Variants in EXOC3L2 observed in about 807,000 individuals in gnomAD.
EXOC3L2 encodes exocyst complex component 3-like protein 2.
In EXOC3L2, 17 loss-of-function variants were observed where a neutral mutation model predicts 44.4. That is an observed-to-expected ratio of 0.38 (90% CI 0.26 to 0.57). The LOEUF (loss-of-function observed/expected upper bound fraction) is 0.57, where lower values mean the gene tolerates loss of function less well. Among genes scored for constraint, EXOC3L2 ranks in the 20% least tolerant of loss-of-function variants. The probability of loss-of-function intolerance (pLI) is 0.65; values close to 1 mark genes in which losing one functional copy is unlikely to be tolerated. For missense variants in EXOC3L2, 541 were observed against 588.4 expected (o/e 0.92, Z 0.83); for synonymous variants, 256 against 253.7 (o/e 1.01, Z -0.09).
Position 45,227,670 on chromosome 19 carries a change from G to A in EXOC3L2, c.1575C>T (p.Pro525=). Residue 525 remains proline, a synonymous_variant, in exon 7 of 12, where the codon CCC becomes CCT. Coordinates refer to ENST00000413988, the MANE Select transcript of EXOC3L2 (RefSeq NM_001382422.1). ...SKTIALVNCG[P]PLRALAERLA... is the part of the protein sequence containing the mutation. ...ACCATGGATGCCCTCACCTCAGTGGGGGGCCGCAGTTGACCAGGGCGATGG... is the reference window on the plus strand; with the variant it reads ...ACCATGGATGCCCTCACCTCAGTGGAGGGCCGCAGTTGACCAGGGCGATGG... 6.2e-7 allele frequency: 1 copy of A among 1,610,940 alleles called. No individual in the cohort carries two copies. Among genetic ancestry groups the A allele is most frequent in the Non-Finnish European group, 8.5e-7 (1 of 1,179,170 alleles).
intron 7 of EXOC3L2, among the ~76,000 whole-genome samples, chr19:45,226,743 A>ATC (rs1348817437): frequency 2.9e-4 from 23 of 79,826 alleles, no homozygotes; most frequent in African/African-American, 1.3e-3. Flanking sequence ...GCTGACTCCC[A>ATC]TCTCTTTTTT....
At chr19:45,217,755 G>A (rs1969852307) in intron 9 of EXOC3L2, 72 bp from the exon 10 acceptor site, 2 of 1,374,050 alleles carry the variant, frequency 1.5e-6, no homozygotes, top group Non-Finnish European at 1.9e-6. Flanking sequence ...CAGTCTGAAG[G>A]CCACCCCCGC....
In EXOC3L2 at chr19:45,234,342, G is replaced by T. The variant is rs1171025029; in HGVS notation, c.1008C>A (p.Pro336=). 5 of 364,558 alleles carry T rather than the reference G, an allele frequency of 1.4e-5. No homozygotes were observed. The highest frequency in any genetic ancestry group is 2.4e-5 in the Non-Finnish European group (5 of 204,298). 22.6% of individuals were successfully genotyped at this position (364,558 alleles called of 1,614,324 possible). The part of the protein sequence containing the change: ...DMAVVRGRLA[P]AYPAGLGAFG... ...AGGCGCCCAGGCCGGCGGGGTAGGC[G>T]GGCGCCAGGCGGCCCCGCACCACGG... Residue 336 remains proline, a synonymous_variant, in exon 3 of 12, where the codon CCC becomes CCA. Transcript: ENST00000413988. This position sits in a 1 kb window ranked among gnomAD's most constrained non-coding sequence, Gnocchi z 5.0.
chr19:45,241,654 G>T lies in EXOC3L2; in HGVS notation c.-16-2593C>A, dbSNP rs889531626. On this transcript the variant is annotated intron_variant, in intron 1 of 11. Transcript: ENST00000413988. The stretch of plus-strand genomic sequence containing the variant: ...TCCCGTAGCCTCCTCCTTACCCCAG[G>T]AACCTCCAGGTTTCAGCATCTGCTG... Among the ~76,000 whole-genome samples the T allele has an allele frequency of 3.9e-5, 6 of 152,026 alleles. No homozygotes were observed. In the East Asian group the frequency reaches 1.2e-3, roughly 29 times the overall value.
At chr19:45,229,929 TTA>T (rs1487053726) in intron 4 of EXOC3L2, among the ~76,000 whole-genome samples, 1 of 149,030 alleles carries the variant, frequency 6.7e-6, no homozygotes, top group Admixed American at 6.7e-5. Flanking sequence ...CATTTATATG[TTA>T]ATATGTATAC....
chr19:45,231,493 A>G (rs62118504), intron 4 of EXOC3L2, among the ~76,000 whole-genome samples: 47,630 of 149,268 alleles, frequency 0.32, 8,701 homozygotes, highest in Middle Eastern at 0.46. Context: ...TTGATGCTAT[A>G]CTTCTGTGAG....
intron 3 of EXOC3L2, among the ~76,000 whole-genome samples, chr19:45,232,449 T>G (rs776472667): frequency 2.0e-5 from 3 of 152,200 alleles, no homozygotes; most frequent in Non-Finnish European, 4.4e-5. Flanking sequence ...ATGAGAGCAT[T>G]ATTGACATAC....
chr19:45,218,281 G>T lies in EXOC3L2; in HGVS notation c.1758C>A (p.Ser586Arg). Residue 586 changes from serine to arginine, a missense_variant, in exon 9 of 12, where the codon AGC becomes AGA. Physicochemically the swap from Ser to Arg is moderately radical, Grantham distance 110. Coordinates refer to ENST00000413988, the MANE Select transcript of EXOC3L2 (RefSeq NM_001382422.1). ...FNKLMRRKWLSSPEALDGIVG... is the reference protein window; with the variant it reads ...FNKLMRRKWLRSPEALDGIVG... ...CGATGCCATCCAGGGCCTCCGGGCTGCTCAGCCACTTCCGGCGCATCAGCT... is the reference window on the plus strand; with the variant it reads ...CGATGCCATCCAGGGCCTCCGGGCTTCTCAGCCACTTCCGGCGCATCAGCT... 1 of 1,608,444 alleles carries T rather than the reference G, an allele frequency of 6.2e-7. No individual in the cohort carries two copies. The highest frequency in any genetic ancestry group is 1.1e-5 in the South Asian group (1 of 90,304).
chr19:45,218,453 G>T, intron 8 of EXOC3L2, 134 bp from the exon 9 acceptor site: 1 of 1,208,118 alleles, frequency 8.3e-7, no homozygotes, highest in South Asian at 2.0e-5. Context: ...GGAAGAGATA[G>T]CCCCAGCCCT....
Position 45,213,178 on chromosome 19 carries a change from A to T in EXOC3L2, c.2300T>A (p.Leu767His). 6.2e-7 allele frequency: 1 copy of T among 1,601,870 alleles called. No individual in the cohort carries two copies. ...PVPRPSFCLSLPLFLGRLPLS... is the reference protein window; with the variant it reads ...PVPRPSFCLSHPLFLGRLPLS... ...GGGGAGGCGGCCCAGGAAGAGAGGG[A>T]GGCTGAGACAGAAAGATGGGCGGGG... Residue 767 changes from leucine (L) to histidine (H), a missense_variant, in exon 12 of 12, where the codon CTC becomes CAC. Coordinates refer to ENST00000413988, the MANE Select transcript of EXOC3L2 (RefSeq NM_001382422.1).
rs1234414195 is a variant in EXOC3L2, at chr19:45,227,278, C to T, written c.1583+384G>A. ...GACTACAGGTGCCCGCCACCATGCC[C>T]GGCTAATTTTTTTTTGTATTTTTTA... On this transcript the variant is annotated intron_variant, in intron 7 of 11. Transcript: ENST00000413988. Among the ~76,000 whole-genome samples, 9 of 143,936 alleles carry T rather than the reference C, an allele frequency of 6.3e-5. No homozygotes were observed. In the South Asian group the frequency reaches 1.1e-3, roughly 17 times the overall value. 94.4% of individuals were successfully genotyped at this position (143,936 alleles called of 152,430 possible).
chr19:45,213,368 AG>A lies in EXOC3L2; in HGVS notation c.2121-12del. ...GCCACGTGCTTCTGCCTGTGGGGAG[AG>A]GAACAGACAGGTGCATGCAGATCCC... is the stretch of plus-strand genomic sequence containing the variant. On this transcript the variant is annotated splice_polypyrimidine_tract_variant and intron_variant, in intron 11 of 11. Coordinates refer to ENST00000413988, the MANE Select transcript of EXOC3L2 (RefSeq NM_001382422.1). 1 of 1,612,024 alleles carries A rather than the reference AG, an allele frequency of 6.2e-7. No individual in the cohort carries two copies. The highest frequency in any genetic ancestry group is 1.1e-5 in the South Asian group (1 of 90,966).
Position 45,234,516 on chromosome 19 carries a change from AC to A in EXOC3L2, c.833del (p.Gly278ValfsTer24). The A allele has an allele frequency of 4.0e-6, 1 of 247,546 alleles. No individual in the cohort carries two copies. Among genetic ancestry groups the A allele is most frequent in the Non-Finnish European group, 7.7e-6 (1 of 129,040 alleles). The allele number at this position is 247,546 out of a possible 1,614,324, so 15.3% of individuals were successfully genotyped here. On this transcript the variant is annotated frameshift_variant, in exon 3 of 12. Transcript: ENST00000413988. LOFTEE classifies it high-confidence loss of function. This position sits in a 1 kb window ranked among gnomAD's most constrained non-coding sequence, Gnocchi z 5.0. ...CGCGTAGTTTGCGGGCCGCCCCGGG[AC>A]CCCGACGCCCGTCGGCCGCCTCCTC... The part of the protein sequence containing the change: ...VQEEAADGRR[G>X]PGAARKLRAR...
In EXOC3L2 at chr19:45,243,958, C is replaced by T. The variant is rs1469625913; in HGVS notation, c.-17+1383G>A. 2.0e-5 allele frequency among the ~76,000 whole-genome samples: 3 copies of T among 151,960 alleles called. No individual in the cohort carries two copies. The South Asian group carries it at 6.2e-4, about 32-fold the overall frequency. ...CTTTTATTTTTTAGACAGTCTCACT[C>T]TGTCACCCAGGTTGGAGTGCAGTGG... is the stretch of plus-strand genomic sequence containing the variant. On this transcript the variant is annotated intron_variant, in intron 1 of 11. Transcript: ENST00000413988.
At chr19:45,222,616 CTCTCTCTGTCTGTG>C (rs1969910166) in intron 8 of EXOC3L2, among the ~76,000 whole-genome samples, 1 of 152,120 alleles carries the variant, frequency 6.6e-6, no homozygotes, top group African/African-American at 2.4e-5. Context: ...TTTGCTTCTG[CTCTCTCTGTCTGTG>C]TCTCTCTCTC....
At position 45,213,174 on chromosome 19, in the gene EXOC3L2, A is replaced by G; in HGVS notation, c.2304T>C (p.Pro768=). ...VPRPSFCLSL[P]LFLGRLPLSR... is the part of the protein sequence containing the mutation. ...AGAGGGGGAGGCGGCCCAGGAAGAG[A>G]GGGAGGCTGAGACAGAAAGATGGGC... is the stretch of plus-strand genomic sequence containing the variant. The change falls in exon 12 of 12, where the codon CCT becomes CCC. Residue 768 remains proline (P), a synonymous_variant. Transcript: ENST00000413988. 2 of 1,600,424 alleles carry G rather than the reference A, an allele frequency of 1.2e-6. No individual in the cohort carries two copies. Among genetic ancestry groups the G allele is most frequent in the Non-Finnish European group, 1.7e-6 (2 of 1,173,400 alleles).
chr19:45,232,256 C>T (rs1184398202), intron 3 of EXOC3L2, among the ~76,000 whole-genome samples: 2 of 152,144 alleles, frequency 1.3e-5, no homozygotes, highest in African/African-American at 4.8e-5. Flanking sequence ...CCACCTTCTA[C>T]GAGCTTACAT....
At chr19:45,240,278 A>T (rs961977553) in intron 1 of EXOC3L2, among the ~76,000 whole-genome samples, 16 of 150,728 alleles carry the variant, frequency 1.1e-4, no homozygotes, top group South Asian at 4.2e-4. Context: ...TTAATTAATT[A>T]ATTAATTTAT....
Position 45,234,932 on chromosome 19 carries a change from G to A in EXOC3L2, c.524-106C>T. The A allele has an allele frequency of 2.6e-6, 1 of 378,486 alleles. No homozygotes were observed. The highest frequency in any genetic ancestry group is 4.7e-6 in the Non-Finnish European group (1 of 213,054). The allele number at this position is 378,486 out of a possible 1,614,324, so 23.4% of individuals were successfully genotyped here. On this transcript the variant is annotated intron_variant, in intron 2 of 11. Transcript: ENST00000413988. The surrounding 1 kb of genome is among the most constrained non-coding windows in gnomAD (Gnocchi z 5.0). ...AGGGGAGAGAGATGAGGGGAAAAGG[G>A]TTACAGGAGGCGGGAAAGTGTGGGG... is the stretch of plus-strand genomic sequence containing the variant.
Sources: gnomAD v4.1 joint callset for allele counts (sites outside exome capture counted in the v4.1 genomes callset) on GRCh38, gnomAD v4.1.1 for gene constraint, Gnocchi (gnomAD v3.1) non-coding constraint, MANE v1.5 for transcripts, NCBI Gene and HGNC (gene_info 2026-07-23, HGNC 2026-07-21) for gene names.